PDE1C: variants seen among roughly 807,000 people sequenced by gnomAD.
PDE1C encodes the protein phosphodiesterase 1C.
In PDE1C, 62 loss-of-function variants were observed where a neutral mutation model predicts 93.1. The ratio of observed to expected loss-of-function variants is 0.67; its 90% confidence interval spans 0.54 to 0.82. PDE1C has a LOEUF of 0.82. Ranked by LOEUF, PDE1C falls within the 40% of genes least tolerant of loss-of-function variation. The pLI, the probability that PDE1C is intolerant of heterozygous loss-of-function variation, is 0.00. For synonymous variants in PDE1C, 325 were observed against 310.1 expected, an observed-to-expected ratio of 1.05 and a Z score of -0.50; for missense variants, 742 against 884.6, an observed-to-expected ratio of 0.84 and a Z score of 2.04.
intron 17 of PDE1C, 111 bp from the exon 18 acceptor site, chr7:31,753,664 G>A: frequency 7.2e-7 from 1 of 1,396,464 alleles, no homozygotes; most frequent in Non-Finnish European, 9.4e-7. Flanking sequence ...TCCAAGACCA[G>A]GAAAGAAGCA....
chr7:32,384,220 A>C (rs1210623860), intron 1 of PDE1C, among the ~76,000 whole-genome samples: 1 of 152,210 alleles, frequency 6.6e-6, no homozygotes, highest in Non-Finnish European at 1.5e-5. Context: ...CAGGTAAATA[A>C]ATAAACATGG....
intron 2 of PDE1C, among the ~76,000 whole-genome samples, chr7:32,033,511 T>G (rs1468440223): frequency 1.3e-5 from 2 of 152,178 alleles, no homozygotes; most frequent in South Asian, 2.1e-4. Flanking sequence ...TTTCCATTAT[T>G]GCTGTTATCT....
chr7:32,236,812 T>G (rs573119880), intron 1 of PDE1C, among the ~76,000 whole-genome samples: 1 of 152,264 alleles, frequency 6.6e-6, no homozygotes, highest in South Asian at 2.1e-4. Flanking sequence ...AAATGAAAAT[T>G]TATAATCACA....
At chr7:31,886,715 T>A (rs554403667) in intron 2 of PDE1C, among the ~76,000 whole-genome samples, 4 of 132,238 alleles carry the variant, frequency 3.0e-5, no homozygotes, top group Non-Finnish European at 6.5e-5. Flanking sequence ...GAGGATGGGA[T>A]AGGGAAACGG....
At chr7:32,079,184 A>G (rs1796519744) in intron 3 of PDE1C, among the ~76,000 whole-genome samples, 1 of 152,228 alleles carries the variant, frequency 6.6e-6, no homozygotes, top group South Asian at 2.1e-4. Flanking sequence ...TCATTCGTTC[A>G]ACAAACATTG....
intron 1 of PDE1C, among the ~76,000 whole-genome samples, chr7:32,228,954 C>T (rs1037361559): frequency 2.4e-4 from 36 of 152,196 alleles, no homozygotes; most frequent in Non-Finnish European, 4.1e-4. Context: ...GCAAAGGCAG[C>T]ATTCCAAGGC....
the PDE1C span, among the ~76,000 whole-genome samples, chr7:31,734,007 GA>G: frequency 0.78 from 117,726 of 150,648 alleles, 47,435 homozygotes; most frequent in Non-Finnish European, 0.9. Flanking sequence ...CTGTTTCAAA[GA>G]AAAAAAAAAT....
In PDE1C at chr7:32,107,399, A is replaced by G. The variant is rs1798384838; in HGVS notation, c.308+62386T>C. Among the ~76,000 whole-genome samples the G allele has an allele frequency of 3.3e-5, 5 of 152,066 alleles. No individual in the cohort carries two copies. The South Asian group carries it at 1.0e-3, about 32-fold the overall frequency. Reference sequence around the variant, plus strand: ...GGGAAGGAAGGAATTTAAAGTAATAATGGCTGTTCCTACAGTGGAACAAGG... The same window carrying G: ...GGGAAGGAAGGAATTTAAAGTAATAGTGGCTGTTCCTACAGTGGAACAAGG... On this transcript the variant is annotated intron_variant, in intron 3 of 18. Coordinates refer to the PDE1C transcript ENST00000396193.
chr7:31,957,399 T>G (rs1238517412), intron 2 of PDE1C, among the ~76,000 whole-genome samples: 1 of 152,084 alleles, frequency 6.6e-6, no homozygotes, highest in African/African-American at 2.4e-5. Flanking sequence ...TGAAAACAGC[T>G]GCAGATGAGA....
At chr7:31,658,299 C>CTT in the PDE1C span, 6,097 of 1,368,314 alleles carry the variant, frequency 4.5e-3, no homozygotes, top group East Asian at 0.013. Context: ...AGCTGGATCC[C>CTT]TTTTTTTTTT....
At chr7:32,182,685 G>C (rs900189816) in intron 2 of PDE1C, among the ~76,000 whole-genome samples, 75 of 152,164 alleles carry the variant, frequency 4.9e-4, no homozygotes, top group African/African-American at 1.6e-3. Context: ...AAACCCACAG[G>C]CAATATCATA....
At chr7:32,136,550 A>T (rs1032575434) in intron 3 of PDE1C, among the ~76,000 whole-genome samples, 1 of 152,158 alleles carries the variant, frequency 6.6e-6, no homozygotes, top group Admixed American at 6.6e-5. Context: ...ACATATTAAA[A>T]TACCCAATAA....
At chr7:32,296,552 A>G (rs1256771941) in intron 1 of PDE1C, among the ~76,000 whole-genome samples, 1 of 152,182 alleles carries the variant, frequency 6.6e-6, no homozygotes, top group Non-Finnish European at 1.5e-5. Context: ...CAGCTATCTC[A>G]CTTGGAAGCG....
intron 1 of PDE1C, among the ~76,000 whole-genome samples, chr7:32,322,922 A>AT (rs1383350250): frequency 2.6e-5 from 4 of 151,984 alleles, no homozygotes; most frequent in East Asian, 1.9e-4. Flanking sequence ...TCCCATCTCT[A>AT]TTTTTTTACA....
the PDE1C span, chr7:31,655,861 C>T: frequency 2.0e-6 from 2 of 985,538 alleles, no homozygotes; most frequent in Non-Finnish European, 2.4e-6. Context: ...CCCTGTAACG[C>T]CTACGGAATG....
At chr7:31,846,328 C>T (rs895346234) in intron 9 of PDE1C, among the ~76,000 whole-genome samples, 2 of 149,548 alleles carry the variant, frequency 1.3e-5, no homozygotes, top group Non-Finnish European at 3.0e-5. Context: ...TAATAGCACA[C>T]ATATACAACC....
chr7:31,897,722 C>G (rs766446062), intron 2 of PDE1C, among the ~76,000 whole-genome samples: 1 of 152,186 alleles, frequency 6.6e-6, no homozygotes, highest in Non-Finnish European at 1.5e-5. Flanking sequence ...ACTGCCAAAT[C>G]TCAAGGGTCC....
chr7:31,841,223 C>CTATATATATATA (rs1358467591), intron 9 of PDE1C, among the ~76,000 whole-genome samples: 10 of 107,074 alleles, frequency 9.3e-5, no homozygotes, highest in Non-Finnish European at 1.8e-4. Context: ...CTCTCTCTCT[C>CTATATATATATA]TCTCTATATA....
At chr7:32,068,207 TCTTA>T (rs1324128009) in intron 1 of PDE1C, among the ~76,000 whole-genome samples, 1 of 152,242 alleles carries the variant, frequency 6.6e-6, no homozygotes, top group Admixed American at 6.5e-5. Flanking sequence ...GCTTCCTTTC[TCTTA>T]CTGACAATCT....
Sources: gnomAD v4.1 joint callset for allele counts (sites outside exome capture counted in the v4.1 genomes callset) on GRCh38, gnomAD v4.1.1 for gene constraint, MANE v1.5 for transcripts, NCBI Gene and HGNC (gene_info 2026-07-23, HGNC 2026-07-21) for gene names.